ADGRV1: variants seen among roughly 807,000 people sequenced by gnomAD.
ADGRV1 encodes G-protein coupled receptor 98.
In ADGRV1, 359 loss-of-function variants were observed where a neutral mutation model predicts 596.2. The ratio of observed to expected loss-of-function variants is 0.60; its 90% CI spans 0.55 to 0.66. ADGRV1 has a LOEUF of 0.66. ADGRV1 is among the 30% of genes least tolerant of loss of function. The probability of loss-of-function intolerance (pLI) is 0.00; values close to 1 mark genes in which losing one functional copy is unlikely to be tolerated. For missense variants in ADGRV1, 7,274 were observed against 7,575.6 expected (o/e 0.96, Z 1.48); for synonymous variants, 2,681 against 2,679.2 (o/e 1.00, Z -0.02).
At chr5:90,694,764 G>C (rs1746972217) in intron 33 of ADGRV1, 63 bp downstream of exon 33, 1 of 1,368,930 alleles carries the variant, frequency 7.3e-7, no homozygotes, top group Non-Finnish European at 9.9e-7. Flanking sequence ...CCATTTTTAT[G>C]ATAAAATTTA....
intron 75 of ADGRV1, among the ~76,000 whole-genome samples, chr5:90,816,658 G>A (rs1238978593): frequency 6.7e-6 from 1 of 150,306 alleles, no homozygotes; most frequent in Non-Finnish European, 1.5e-5. Context: ...GAGAACATGT[G>A]GTGTTTGGTT....
chr5:91,091,894 C>A (rs912323570), intron 86 of ADGRV1: 1 of 152,038 alleles, frequency 6.6e-6, no homozygotes, highest in Non-Finnish European at 1.5e-5. Flanking sequence ...ACCCAGTCTG[C>A]GAATTAAAAT....
intron 42 of ADGRV1, among the ~76,000 whole-genome samples, chr5:90,715,052 T>C (rs920590174): frequency 6.6e-6 from 1 of 152,240 alleles, no homozygotes; most frequent in East Asian, 1.9e-4. Flanking sequence ...CACTGTAATA[T>C]TGAGTTTTCC....
At chr5:91,110,769 C>T (rs1247809999) in intron 87 of ADGRV1, among the ~76,000 whole-genome samples, 1 of 152,190 alleles carries the variant, frequency 6.6e-6, no homozygotes, top group Non-Finnish European at 1.5e-5. Flanking sequence ...ACGCATTCTT[C>T]TTGGAATGCT....
chr5:90,561,537 C>G (rs1176322580), intron 1 of ADGRV1, among the ~76,000 whole-genome samples: 1 of 152,106 alleles, frequency 6.6e-6, no homozygotes, highest in East Asian at 1.9e-4. Flanking sequence ...TCAAGGTTGC[C>G]CCAATTAGGA....
At chr5:91,072,267 G>C (rs556816934) in intron 85 of ADGRV1, among the ~76,000 whole-genome samples, 180 bp from the exon 86 acceptor site, 3 of 152,336 alleles carry the variant, frequency 2.0e-5, no homozygotes, top group Admixed American at 2.0e-4. Flanking sequence ...GTGTGAAGCA[G>C]TGGGCTAGAT....
At position 90,724,990 on chromosome 5, in the gene ADGRV1, G is replaced by A. The variant is rs1751572548; in HGVS notation, c.9906+1G>A. 1 of 1,586,510 alleles carries A rather than the reference G, an allele frequency of 6.3e-7. No individual in the cohort carries two copies. Among genetic ancestry groups the A allele is most frequent in the Non-Finnish European group, 8.5e-7 (1 of 1,169,682 alleles). ...GCAGGGGATTTTTATTCCAGTTGAG[G>A]TAAACATCAGTATTTTTTTATAGTA... On this transcript the variant is annotated splice_donor_variant, in intron 46 of 89. Coordinates refer to ENST00000405460, the MANE Select transcript of ADGRV1 (RefSeq NM_032119.4). LOFTEE classifies it high-confidence loss of function.
chr5:90,708,900 C>A lies in ADGRV1; in HGVS notation c.8815C>A (p.Pro2939Thr), dbSNP rs202211640. The A allele has an allele frequency of 1.2e-6, 2 of 1,607,272 alleles. No individual in the cohort carries two copies. The highest frequency in any genetic ancestry group is 3.3e-5 in the Admixed American group (2 of 59,926). ...CATGGCTGCTTCAACTTCATTTCCT[C>A]CCAGACTAGGTATGAGGGGTTTCTT... is the stretch of plus-strand genomic sequence containing the variant. Reference protein sequence around the residue: ...LTMAASTSFPPRLDSEGLTAQ... With the variant: ...LTMAASTSFPTRLDSEGLTAQ... Residue 2939 changes from proline (P) to threonine (T), a missense_variant, in exon 39 of 90, where the codon CCC (proline) becomes ACC (threonine). Around this residue, in one of 5 missense-constraint regions of ADGRV1, gnomAD observed 3,643 missense variants for 3,809.2 expected, o/e 0.96. Coordinates refer to ENST00000405460, the MANE Select transcript of ADGRV1 (RefSeq NM_032119.4).
chr5:90,560,735 G>C (rs566622328), intron 1 of ADGRV1, among the ~76,000 whole-genome samples: 1 of 152,052 alleles, frequency 6.6e-6, no homozygotes, highest in African/African-American at 2.4e-5. Flanking sequence ...ATCTTAAAAA[G>C]TTACATATTT....
intron 89 of ADGRV1, among the ~76,000 whole-genome samples, chr5:91,156,815 G>T (rs1288174820): frequency 6.6e-6 from 1 of 152,086 alleles, no homozygotes; most frequent in Admixed American, 6.6e-5. Flanking sequence ...GTCAAATAAA[G>T]GTCAGTCTAC....
intron 21 of ADGRV1, among the ~76,000 whole-genome samples, chr5:90,667,431 G>C (rs1174551375): frequency 6.8e-6 from 1 of 146,182 alleles, no homozygotes; most frequent in African/African-American, 2.6e-5. Context: ...CATTCTTCAC[G>C]TAGTTCTCGA....
intron 85 of ADGRV1, among the ~76,000 whole-genome samples, chr5:91,071,988 T>C (rs895513043): frequency 1.3e-5 from 2 of 152,156 alleles, no homozygotes; most frequent in Non-Finnish European, 2.9e-5. Flanking sequence ...ATAATCCTTA[T>C]TTTAAAGATG....
chr5:90,796,387 G>T (rs1760714578), intron 70 of ADGRV1, among the ~76,000 whole-genome samples: 1 of 151,620 alleles, frequency 6.6e-6, no homozygotes, highest in Non-Finnish European at 1.5e-5. Flanking sequence ...ATAGATTGAA[G>T]ATCAGCTTAA....
intron 85 of ADGRV1, among the ~76,000 whole-genome samples, chr5:90,990,568 C>T (rs182201065): frequency 7.2e-5 from 11 of 152,304 alleles, no homozygotes; most frequent in African/African-American, 2.6e-4. Flanking sequence ...AATGCTGGCT[C>T]TCCCACCGCT....
At chr5:90,974,659 G>A (rs1304553277) in intron 84 of ADGRV1, among the ~76,000 whole-genome samples, 2 of 152,166 alleles carry the variant, frequency 1.3e-5, no homozygotes, top group African/African-American at 4.8e-5. Context: ...GTAGAAAGCT[G>A]AAACTGGATC....
At position 91,016,316 on chromosome 5, in the gene ADGRV1, C is replaced by T. The variant is rs531211719; in HGVS notation, c.18152+30794C>T. Among the ~76,000 whole-genome samples the T allele has an allele frequency of 7.2e-5, 11 of 152,046 alleles. No individual in the cohort carries two copies. The South Asian group carries it at 2.3e-3, about 31-fold the overall frequency. Reference sequence around the variant, plus strand: ...GAAGTTCTTTAGAAATTACCAGACCCTGGAGGGTCCTTGTTCTTACACACT... The same window carrying T: ...GAAGTTCTTTAGAAATTACCAGACCTTGGAGGGTCCTTGTTCTTACACACT... On this transcript the variant is annotated intron_variant, in intron 85 of 89. Coordinates refer to ENST00000405460, the MANE Select transcript of ADGRV1 (RefSeq NM_032119.4).
At chr5:91,050,002 C>T (rs543498520) in intron 85 of ADGRV1, among the ~76,000 whole-genome samples, 1 of 152,162 alleles carries the variant, frequency 6.6e-6, no homozygotes, top group Admixed American at 6.5e-5. Context: ...GAGTCATGTG[C>T]GGGCCTGCCA....
At chr5:91,101,659 T>A (rs1442528334) in intron 86 of ADGRV1, among the ~76,000 whole-genome samples, 1 of 152,178 alleles carries the variant, frequency 6.6e-6, no homozygotes, top group African/African-American at 2.4e-5. Flanking sequence ...ATGTGTAGAA[T>A]AAGTTTAGTT....
At chr5:90,983,116 G>T (rs1284228926) in intron 84 of ADGRV1, among the ~76,000 whole-genome samples, 1 of 152,136 alleles carries the variant, frequency 6.6e-6, no homozygotes, top group Non-Finnish European at 1.5e-5. Flanking sequence ...CTTTTAAGAA[G>T]AAATTTAAAT....
Sources: gnomAD v4.1 joint callset for allele counts (sites outside exome capture counted in the v4.1 genomes callset) on GRCh38, gnomAD v4.1.1 for gene constraint, gnomAD v4.1.1 regional missense constraint, MANE v1.5 for transcripts, NCBI Gene and HGNC (gene_info 2026-07-23, HGNC 2026-07-21) for gene names.